Variants in RTTN observed in about 807,000 individuals in gnomAD.
The protein encoded by RTTN is rotatin.
A neutral mutation model predicts 269.2 loss-of-function variants in RTTN; 182 were observed. The observed-to-expected ratio is 0.68, with a 90% CI of 0.60 to 0.76. The LOEUF is 0.76. Among genes scored for constraint, RTTN ranks in the 30% least tolerant of loss-of-function variants. RTTN has a pLI of 0.00. For synonymous variants in RTTN, 1,006 were observed against 963.5 expected (o/e 1.04, Z -0.82); for missense variants, 2,545 against 2,608.6 (o/e 0.98, Z 0.53).
chr18:70,056,972 G>C lies in RTTN; in HGVS notation c.5031+770C>G, dbSNP rs1233070999. On this transcript the variant is annotated intron_variant, in intron 37 of 48. Coordinates refer to ENST00000640769, the MANE Select transcript of RTTN (RefSeq NM_173630.4). ...TCAACAAAGATTTGCTGGATGGAGA[G>C]CAGAAAAATGGAGGAGACAGTCATT... Among the ~76,000 whole-genome samples the C allele has an allele frequency of 2.0e-5, 3 of 152,322 alleles. No individual in the cohort carries two copies. The East Asian group carries it at 5.8e-4, about 29-fold the overall frequency.
chr18:70,160,479 GC>G (rs1284962147), intron 14 of RTTN, among the ~76,000 whole-genome samples: 1 of 151,870 alleles, frequency 6.6e-6, no homozygotes, highest in East Asian at 1.9e-4. Flanking sequence ...TACTGAACAA[GC>G]AAAAGCTAGA....
intron 11 of RTTN, among the ~76,000 whole-genome samples, chr18:70,170,522 C>T (rs766580704): frequency 5.9e-5 from 9 of 152,116 alleles, no homozygotes; most frequent in Non-Finnish European, 1.3e-4. Context: ...AGCCACGTGG[C>T]TATCTGAGGG....
chr18:70,182,998 T>C (rs181241793), intron 10 of RTTN, among the ~76,000 whole-genome samples: 3 of 152,288 alleles, frequency 2.0e-5, no homozygotes, highest in Admixed American at 6.5e-5. Context: ...GATAGGCCAG[T>C]TGCTTAAATG....
chr18:70,164,014 C>T (rs561108624), intron 14 of RTTN, among the ~76,000 whole-genome samples: 7 of 152,008 alleles, frequency 4.6e-5, no homozygotes, highest in African/African-American at 1.7e-4. Context: ...ACCTAGGGAC[C>T]TCAAATTCAT....
chr18:70,036,684 C>T (rs1026628935), intron 40 of RTTN, among the ~76,000 whole-genome samples: 38 of 152,254 alleles, frequency 2.5e-4, no homozygotes, highest in African/African-American at 9.1e-4. Context: ...ACATGTACCC[C>T]GAACCTAACA....
intron 46 of RTTN, chr18:70,007,797 A>T (rs1046614618): frequency 6.6e-6 from 1 of 152,382 alleles, no homozygotes; most frequent in African/African-American, 2.4e-5. Flanking sequence ...CCTGGGACAG[A>T]GCACCTGGGG....
In RTTN at chr18:70,054,420, T is replaced by A. The variant is rs1196132315; in HGVS notation, c.5032-136A>T. 1.5e-5 allele frequency: 12 copies of A among 780,346 alleles called. No individual in the cohort carries two copies. In the East Asian group the frequency reaches 3.2e-4, roughly 21 times the overall value. 48.3% of individuals were successfully genotyped at this position (780,346 alleles called of 1,614,324 possible). A position where few individuals can be genotyped will look rare whatever the true frequency, so the allele number is the denominator to read the frequency against. Reference sequence around the variant, plus strand: ...TTTTTCAAGATCTGAAATTAACACATAGCAGACAAAGCATTATTTTTCTCA... The same window carrying A: ...TTTTTCAAGATCTGAAATTAACACAAAGCAGACAAAGCATTATTTTTCTCA... On this transcript the variant is annotated intron_variant, in intron 37 of 48. Transcript: ENST00000640769.
intron 17 of RTTN, among the ~76,000 whole-genome samples, chr18:70,148,106 G>T (rs2060443167): frequency 6.6e-6 from 1 of 152,036 alleles, no homozygotes; most frequent in South Asian, 2.1e-4. Flanking sequence ...CCAATGATCT[G>T]TCTATAAATA....
At chr18:70,071,776 C>T (rs2058302161) in intron 34 of RTTN, among the ~76,000 whole-genome samples, 1 of 152,112 alleles carries the variant, frequency 6.6e-6, no homozygotes, top group Non-Finnish European at 1.5e-5. Flanking sequence ...ATTAACAGCA[C>T]AAAATGGATA....
chr18:70,028,006 TTTAA>T (rs1178432595), intron 43 of RTTN, among the ~76,000 whole-genome samples: 5 of 152,290 alleles, frequency 3.3e-5, no homozygotes, highest in East Asian at 1.9e-4. Context: ...ATATTAAAGC[TTTAA>T]TTTAGTATTT....
chr18:70,083,614 C>A (rs182674900), intron 32 of RTTN, among the ~76,000 whole-genome samples: 1 of 151,906 alleles, frequency 6.6e-6, no homozygotes, highest in Admixed American at 6.6e-5. Context: ...TTATTTAATA[C>A]TTTAAAAAAA....
At chr18:70,141,334 C>T (rs938341118) in intron 19 of RTTN, among the ~76,000 whole-genome samples, 28 of 151,964 alleles carry the variant, frequency 1.8e-4, no homozygotes, top group African/African-American at 6.5e-4. Context: ...AAAACTAACC[C>T]AAAGAACAAA....
chr18:70,031,645 AAC>A (rs2057014983), intron 40 of RTTN, among the ~76,000 whole-genome samples: 1 of 151,936 alleles, frequency 6.6e-6, no homozygotes, highest in East Asian at 1.9e-4. Context: ...CAGACACAAT[AAC>A]AGATTCCATA....
chr18:70,164,377 A>AT (rs113753514), intron 14 of RTTN, among the ~76,000 whole-genome samples: 2,830 of 140,066 alleles, frequency 0.02, 33 homozygotes, highest in South Asian at 0.042. Flanking sequence ...ATGCCCAGCT[A>AT]TTTTTTTTTT....
chr18:70,013,947 CT>C (rs2056468339), intron 46 of RTTN, among the ~76,000 whole-genome samples: 1 of 152,148 alleles, frequency 6.6e-6, no homozygotes, highest in African/African-American at 2.4e-5. Context: ...TTAGCTTTCT[CT>C]GCTGCATTCT....
chr18:70,165,430 T>C (rs976471835), intron 14 of RTTN, among the ~76,000 whole-genome samples: 2 of 151,892 alleles, frequency 1.3e-5, no homozygotes, highest in African/African-American at 4.8e-5. Flanking sequence ...GCTTCCTCTA[T>C]AACTAGTATT....
intron 32 of RTTN, 152 bp from the exon 33 acceptor site, chr18:70,075,693 T>A: frequency 1.8e-6 from 1 of 568,486 alleles, no homozygotes; most frequent in Non-Finnish European, 3.0e-6. Context: ...TATAGCAGCC[T>A]GACCTAGGAC....
At chr18:70,186,912 T>A (rs577038810) in intron 10 of RTTN, among the ~76,000 whole-genome samples, 93 of 152,250 alleles carry the variant, frequency 6.1e-4, no homozygotes, top group African/African-American at 2.1e-3. Flanking sequence ...ACCTATCGGG[T>A]ACTAGGCTTA....
In RTTN at chr18:70,190,423, A is replaced by G. The variant is rs562121094; in HGVS notation, c.1189+115T>C. On this transcript the variant is annotated intron_variant, in intron 9 of 48. Transcript: ENST00000640769. The stretch of plus-strand genomic sequence containing the variant: ...TTTTTAGAAATTTATATCCCAAAAG[A>G]TAAGTAAATACAGATTCCAAAGGCC... 7.8e-5 allele frequency: 48 copies of G among 612,860 alleles called. No individual in the cohort carries two copies. The Middle Eastern group carries it at 1.3e-3, about 16-fold the overall frequency. 38.0% of individuals were successfully genotyped at this position (612,860 alleles called of 1,614,324 possible). A position where few individuals can be genotyped will look rare whatever the true frequency, so the allele number is the denominator to read the frequency against.
Sources: allele counts gnomAD v4.1 joint callset (sites outside exome capture counted in the v4.1 genomes callset), GRCh38; gene constraint gnomAD v4.1.1; transcripts MANE v1.5; gene names NCBI Gene and HGNC (gene_info 2026-07-23, HGNC 2026-07-21).